Variants in SCAPER observed in about 807,000 individuals in gnomAD.
SCAPER encodes the protein S phase cyclin A-associated protein in the endoplasmic reticulum.
Under a neutral mutation model 182.2 loss-of-function variants are expected in SCAPER, and 98 were observed. The ratio of observed to expected loss-of-function variants is 0.54; its 90% CI spans 0.46 to 0.64. SCAPER has a LOEUF of 0.64. SCAPER is among the 30% of genes least tolerant of loss of function. The pLI, the probability that SCAPER is intolerant of heterozygous loss-of-function variation, is 0.00. For synonymous variants in SCAPER, 605 were observed against 564.6 expected (o/e 1.07, Z -1.01); for missense variants, 1,432 against 1,690.0 (o/e 0.85, Z 2.68).
chr15:76,533,059 T>G (rs146377464), intron 23 of SCAPER, among the ~76,000 whole-genome samples: 456 of 152,310 alleles, frequency 3.0e-3, no homozygotes, highest in Non-Finnish European at 4.2e-3. Context: ...AAATGATCAA[T>G]TATTATGCAG....
At position 76,433,207 on chromosome 15, in the gene SCAPER, A is replaced by G. The variant is rs748027964; in HGVS notation, c.3311+871T>C. ...CTAGCAGAACACATTCTAACATCAC[A>G]TATCTAAATATCAAGAAAAGCCAGG... On this transcript the variant is annotated intron_variant, in intron 26 of 31. Transcript: ENST00000563290. Among the ~76,000 whole-genome samples the G allele has an allele frequency of 2.0e-5, 3 of 152,116 alleles. 1 individual carries two copies. Among genetic ancestry groups the G allele is most frequent in the Non-Finnish European group, 4.4e-5 (3 of 68,024 alleles).
At position 76,397,035 on chromosome 15, in the gene SCAPER, G is replaced by A. The variant is rs546249824; in HGVS notation, c.3467+7489C>T. On this transcript the variant is annotated intron_variant, in intron 27 of 31. Coordinates refer to ENST00000563290, the MANE Select transcript of SCAPER (RefSeq NM_020843.4). ...TTTTTTTTTTTTTTTTTTAAATCAT[G>A]AAGTGATGTTGAATTTCATCAAATG... 3.2e-3 allele frequency among the ~76,000 whole-genome samples: 439 copies of A among 135,430 alleles called. 5 individuals carry two copies. The highest frequency in any genetic ancestry group is 0.011 in the African/African-American group (419 of 36,690). The allele number at this position is 135,430 out of a possible 152,430, so 88.8% of individuals were successfully genotyped here.
intron 2 of SCAPER, among the ~76,000 whole-genome samples, chr15:76,873,052 C>A (rs1424374662): frequency 6.7e-6 from 1 of 149,360 alleles, no homozygotes; most frequent in South Asian, 2.1e-4. Flanking sequence ...GAGTTCAAGA[C>A]CAGCCTGGGC....
chr15:76,825,820 C>T (rs956551915), intron 5 of SCAPER, among the ~76,000 whole-genome samples: 6 of 152,218 alleles, frequency 3.9e-5, no homozygotes, highest in Admixed American at 3.3e-4. Flanking sequence ...CCTCGTCTCA[C>T]TGCAACCTCT....
At chr15:76,719,308 T>G (rs2060064861) in intron 17 of SCAPER, among the ~76,000 whole-genome samples, 1 of 152,160 alleles carries the variant, frequency 6.6e-6, no homozygotes, top group South Asian at 2.1e-4. Context: ...TATTGCATGA[T>G]CTCACTTATA....
At chr15:76,822,365 A>C (rs989965879) in intron 5 of SCAPER, among the ~76,000 whole-genome samples, 4 of 152,238 alleles carry the variant, frequency 2.6e-5, no homozygotes, top group Non-Finnish European at 5.9e-5. Flanking sequence ...AAAGAAGGAA[A>C]TATGTTTAAA....
At chr15:76,514,739 A>G (rs770406451) in intron 23 of SCAPER, among the ~76,000 whole-genome samples, 5 of 152,204 alleles carry the variant, frequency 3.3e-5, no homozygotes, top group Non-Finnish European at 7.3e-5. Context: ...CAGTAGCCTA[A>G]TTTATAGAGA....
chr15:76,546,063 C>T (rs927075014), intron 23 of SCAPER, among the ~76,000 whole-genome samples: 1 of 152,100 alleles, frequency 6.6e-6, no homozygotes, highest in African/African-American at 2.4e-5. Flanking sequence ...AATAGCTATG[C>T]CTTGACAGTA....
chr15:76,364,568 T>G (rs1180925185), intron 29 of SCAPER, among the ~76,000 whole-genome samples: 2 of 152,210 alleles, frequency 1.3e-5, no homozygotes, highest in Non-Finnish European at 2.9e-5. Context: ...GACCAGCTGC[T>G]GTCTGCTTCC....
chr15:76,891,810 C>A (rs948934288), intron 1 of SCAPER, among the ~76,000 whole-genome samples: 2 of 150,418 alleles, frequency 1.3e-5, no homozygotes, highest in South Asian at 4.2e-4. Flanking sequence ...ATTGGAAATT[C>A]TTCACAGAAT....
At chr15:76,703,709 C>T (rs1380005551) in intron 18 of SCAPER, among the ~76,000 whole-genome samples, 1 of 152,184 alleles carries the variant, frequency 6.6e-6, no homozygotes, top group Non-Finnish European at 1.5e-5. Flanking sequence ...GTGTCCTCTT[C>T]TGTGCTTCCA....
rs371584250 is a variant in SCAPER at position 76,697,839 on chromosome 15, C to T, written c.2508+3919G>A. Among the ~76,000 whole-genome samples, 6 of 152,170 alleles carry T rather than the reference C, an allele frequency of 3.9e-5. No individual in the cohort carries two copies. The East Asian group carries it at 7.7e-4, about 20-fold the overall frequency. On this transcript the variant is annotated intron_variant, in intron 20 of 31. Transcript: ENST00000563290. ...ATATTTAGTAGAGACAGGGTTTCAC[C>T]ATGTCGGCCAGGCTGGTCTCGAACT... is the stretch of plus-strand genomic sequence containing the variant.
intron 23 of SCAPER, among the ~76,000 whole-genome samples, chr15:76,521,270 T>C (rs1235595430): frequency 1.3e-5 from 2 of 152,194 alleles, no homozygotes; most frequent in Non-Finnish European, 2.9e-5. Flanking sequence ...ATTTTATAAC[T>C]CACTGTCTTG....
At chr15:76,504,508 C>T (rs2041412865) in intron 24 of SCAPER, among the ~76,000 whole-genome samples, 2 of 152,320 alleles carry the variant, frequency 1.3e-5, no homozygotes, top group South Asian at 2.1e-4. Context: ...TGTACTTACT[C>T]ACCTCTTTTT....
intron 20 of SCAPER, among the ~76,000 whole-genome samples, chr15:76,686,944 A>ATATTAATAAACTAGGTTTGCATATGC (rs1567799974): frequency 4.6e-5 from 7 of 152,168 alleles, no homozygotes; most frequent in Admixed American, 4.6e-4. Flanking sequence ...AACATTAACC[A>ATATTAATAAACTAGGTTTGCATATGC]AAACTAGGTT....
At chr15:76,652,175 T>C (rs1439762812) in intron 21 of SCAPER, among the ~76,000 whole-genome samples, 1 of 143,044 alleles carries the variant, frequency 7.0e-6, no homozygotes, top group African/African-American at 2.6e-5. Context: ...CCCAGCACTT[T>C]GGAAGGCTGA....
chr15:76,692,091 G>C (rs1247926624), intron 20 of SCAPER, among the ~76,000 whole-genome samples: 2 of 152,166 alleles, frequency 1.3e-5, no homozygotes, highest in Non-Finnish European at 2.9e-5. Context: ...TTCTAAACTT[G>C]TATGCAGTTA....
chr15:76,724,438 C>T (rs991559237), intron 17 of SCAPER, among the ~76,000 whole-genome samples: 4 of 152,036 alleles, frequency 2.6e-5, no homozygotes, highest in Non-Finnish European at 5.9e-5. Context: ...ATCTTTGTGG[C>T]ATTCTCTGTA....
At chr15:76,535,889 G>A (rs985898733) in intron 23 of SCAPER, among the ~76,000 whole-genome samples, 9 of 152,252 alleles carry the variant, frequency 5.9e-5, no homozygotes, top group African/African-American at 1.9e-4. Flanking sequence ...GTCTTAGGAA[G>A]GTCTTCCAAC....
Sources: allele counts gnomAD v4.1 joint callset (sites outside exome capture counted in the v4.1 genomes callset), GRCh38; gene constraint gnomAD v4.1.1; transcripts MANE v1.5; gene names NCBI Gene and HGNC (gene_info 2026-07-23, HGNC 2026-07-21).